The following TOMM20L variants were observed in gnomAD, a reference collection of about 807,000 sequenced individuals.
The protein encoded by TOMM20L is translocase of outer mitochondrial membrane 20 like.
A neutral mutation model predicts 20.4 loss-of-function variants in TOMM20L; 19 were observed. That is an observed-to-expected ratio of 0.93 (90% confidence interval 0.65 to 1.36). The LOEUF (loss-of-function observed/expected upper bound fraction) is 1.36, where lower values mean the gene tolerates loss of function less well. Among genes scored for constraint, TOMM20L ranks in the 40% most tolerant of loss-of-function variants. The pLI is 0.00. For missense variants in TOMM20L, 218 were observed against 203.7 expected (o/e 1.07, Z -0.43); for synonymous variants, 75 against 79.6 (o/e 0.94, Z 0.30).
At chr14:58,396,449 G>A in intron 2 of TOMM20L, 108 bp downstream of exon 2, 1 of 1,255,918 alleles carries the variant, frequency 8.0e-7, no homozygotes, top group South Asian at 1.3e-5. Flanking sequence ...TCCCTCAGCC[G>A]CCCGTGCCCG....
At chr14:58,397,594 G>A (rs1218350161) in intron 2 of TOMM20L, among the ~76,000 whole-genome samples, 2 of 152,198 alleles carry the variant, frequency 1.3e-5, no homozygotes, top group Non-Finnish European at 2.9e-5. Flanking sequence ...GATACAGGAT[G>A]GAGGGAACAG....
chr14:58,412,134 T>A, downstream of TOMM20L: 1 of 542,220 alleles, frequency 1.8e-6, no homozygotes, highest in East Asian at 3.1e-5. Context: ...AACCTTACAG[T>A]TGAGAATTAG....
chr14:58,409,597 G>A (rs1650749482), downstream of TOMM20L, among the ~76,000 whole-genome samples: 1 of 151,856 alleles, frequency 6.6e-6, no homozygotes, highest in African/African-American at 2.4e-5. Context: ...ATTTATTTTT[G>A]AGAGGGAGTC....
At chr14:58,404,821 T>A (rs1216617443) in intron 3 of TOMM20L, among the ~76,000 whole-genome samples, 1 of 152,158 alleles carries the variant, frequency 6.6e-6, no homozygotes, top group Non-Finnish European at 1.5e-5. Context: ...ATTTTTGAAA[T>A]GGACTAAAAA....
downstream of TOMM20L, among the ~76,000 whole-genome samples, chr14:58,412,928 A>G (rs2036268473): frequency 6.6e-6 from 1 of 152,062 alleles, no homozygotes. Context: ...ATGATAATAA[A>G]AAGAAAAATA....
chr14:58,400,096 CCCTACT>C (rs1351906851), intron 2 of TOMM20L, among the ~76,000 whole-genome samples: 1 of 151,534 alleles, frequency 6.6e-6, no homozygotes, highest in East Asian at 1.9e-4. Flanking sequence ...TGCAGTAGCT[CCCTACT>C]CTGCAGATTA....
At chr14:58,402,518 C>T (rs1206775418) in intron 2 of TOMM20L, among the ~76,000 whole-genome samples, 162 bp from the exon 3 acceptor site, 2 of 152,026 alleles carry the variant, frequency 1.3e-5, no homozygotes, top group African/African-American at 4.8e-5. Flanking sequence ...GAACTCCCGA[C>T]CTCAGGTGAT....
Position 58,396,355 on chromosome 14 carries a change from G to C in TOMM20L, c.180+14G>C. On this transcript the variant is annotated intron_variant, in intron 2 of 4. Coordinates refer to ENST00000360945, the MANE Select transcript of TOMM20L (RefSeq NM_207377.3). ...CAGGGCACGCAGGTGCAGTGCTTTCGATCCGCACAGGTAGCTCAGTAGACG... is the reference window on the plus strand; with the variant it reads ...CAGGGCACGCAGGTGCAGTGCTTTCCATCCGCACAGGTAGCTCAGTAGACG... 1 of 1,613,082 alleles carries C rather than the reference G, an allele frequency of 6.2e-7. No individual in the cohort carries two copies. The highest frequency in any genetic ancestry group is 1.3e-5 in the African/African-American group (1 of 75,034).
rs940108718 is a variant in TOMM20L, at chr14:58,408,559, T to C, written c.436T>C (p.Cys146Arg). ...TGAGGCAGACATGAATGAACAGGAC[T>C]GCTTGGAGGATGATCCTGATTGAAA... ...QFEADMNEQD[C>R]LEDDPD The change falls in exon 5 of 5, where the codon TGC becomes CGC. Residue 146 changes from cysteine (C) to arginine (R), a missense_variant. Cys to Arg is a radical substitution (Grantham distance 180). Coordinates refer to ENST00000360945, the MANE Select transcript of TOMM20L (RefSeq NM_207377.3). 6.2e-7 allele frequency: 1 copy of C among 1,614,102 alleles called. No homozygotes were observed. Among genetic ancestry groups the C allele is most frequent in the Non-Finnish European group, 8.5e-7 (1 of 1,180,010 alleles).
downstream of TOMM20L, among the ~76,000 whole-genome samples, chr14:58,412,925 T>C (rs996384637): frequency 5.3e-5 from 8 of 151,858 alleles, no homozygotes; most frequent in Non-Finnish European, 8.8e-5. Flanking sequence ...ATAATGATAA[T>C]AAAAAGAAAA....
intron 2 of TOMM20L, among the ~76,000 whole-genome samples, chr14:58,400,734 T>C (rs1194417838): frequency 6.6e-6 from 1 of 151,886 alleles, no homozygotes; most frequent in Non-Finnish European, 1.5e-5. Context: ...AAAAATTGGC[T>C]GGGCATAGTG....
At chr14:58,400,494 T>C (rs566897055) in intron 2 of TOMM20L, among the ~76,000 whole-genome samples, 57 of 151,778 alleles carry the variant, frequency 3.8e-4, no homozygotes, top group African/African-American at 1.4e-3. Context: ...CCTATTCCGA[T>C]TGACTGCCTT....
rs1357062872 is a variant in TOMM20L, at chr14:58,408,673, T to A, written c.*91T>A. 10 of 1,325,592 alleles carry A rather than the reference T, an allele frequency of 7.5e-6. No individual in the cohort carries two copies. Among genetic ancestry groups the A allele is most frequent in the Admixed American group, 2.5e-5 (1 of 39,736 alleles). The allele number at this position is 1,325,592 out of a possible 1,614,324, so 82.1% of individuals were successfully genotyped here. On this transcript the variant is annotated 3_prime_UTR_variant, in exon 5 of 5. Coordinates refer to ENST00000360945, the MANE Select transcript of TOMM20L (RefSeq NM_207377.3). ...TCAGTGATATTTCCATTTATTTTAC[T>A]TTGAGTAATAAAAATTTTTCTATCT...
rs869260438 is a variant in TOMM20L, at chr14:58,399,885, CATATATATATATATATATATATATATAT to C, written c.181-2778_181-2751del. ...ATTCTTATTTTCAAATGCTCTATTG[CATATATATATATATATATATATATATAT>C]ATATATATATATATATTCCACTTGT... On this transcript the variant is annotated intron_variant, in intron 2 of 4. Coordinates refer to ENST00000360945, the MANE Select transcript of TOMM20L (RefSeq NM_207377.3). Among the ~76,000 whole-genome samples the C allele has an allele frequency of 3.8e-3, 141 of 37,318 alleles. 1 individual carries two copies. The highest frequency in any genetic ancestry group is 0.013 in the African/African-American group (123 of 9,176). 24.5% of individuals were successfully genotyped at this position (37,318 alleles called of 152,430 possible).
At chr14:58,404,116 T>C (rs1362691790) in intron 3 of TOMM20L, among the ~76,000 whole-genome samples, 2 of 19,498 alleles carry the variant, frequency 1.0e-4, no homozygotes, top group Non-Finnish European at 2.6e-4. Context: ...TATATATATA[T>C]ATATTTTTTT....
rs1426242106 is a variant in TOMM20L at position 58,408,524 on chromosome 14, AC to A, written c.406-3del. 10 of 1,613,578 alleles carry A rather than the reference AC, an allele frequency of 6.2e-6. No individual in the cohort carries two copies. Among genetic ancestry groups the A allele is most frequent in the Non-Finnish European group, 6.8e-6 (8 of 1,179,776 alleles). ...TAGCAAGTAACTATTTTATGTATTC[AC>A]CAGCAATTTGAGGCAGACATGAATG... On this transcript the variant is annotated splice_region_variant and splice_polypyrimidine_tract_variant and intron_variant, in intron 4 of 4. Coordinates refer to ENST00000360945, the MANE Select transcript of TOMM20L (RefSeq NM_207377.3).
downstream of TOMM20L, among the ~76,000 whole-genome samples, chr14:58,409,442 A>T (rs2036137893): frequency 6.6e-6 from 1 of 152,228 alleles, no homozygotes; most frequent in Non-Finnish European, 1.5e-5. Flanking sequence ...ATTTTCTGCA[A>T]GTGTATTAAG....
At chr14:58,405,714 C>G (rs1185293511) in intron 3 of TOMM20L, among the ~76,000 whole-genome samples, 2 of 152,060 alleles carry the variant, frequency 1.3e-5, no homozygotes, top group Non-Finnish European at 2.9e-5. Flanking sequence ...GCCATGTTGG[C>G]CAGGCTGGTC....
intron 3 of TOMM20L, among the ~76,000 whole-genome samples, chr14:58,404,747 G>A (rs2036036362): frequency 6.6e-6 from 1 of 152,102 alleles, no homozygotes; most frequent in Non-Finnish European, 1.5e-5. Flanking sequence ...TTCAGATGGA[G>A]TAATTTTTGA....
Sources: gnomAD v4.1 joint callset for allele counts (sites outside exome capture counted in the v4.1 genomes callset) on GRCh38, gnomAD v4.1.1 for gene constraint, MANE v1.5 for transcripts, NCBI Gene and HGNC (gene_info 2026-07-23, HGNC 2026-07-21) for gene names.